The following TET1 variants were observed in gnomAD, a reference collection of about 807,000 sequenced individuals.
The protein encoded by TET1 is methylcytosine dioxygenase TET1.
A neutral mutation model predicts 148.7 loss-of-function variants in TET1; 13 were observed. That is an observed-to-expected ratio of 0.09 (90% CI 0.06 to 0.14). The LOEUF is 0.14. TET1 is among the 10% of genes least tolerant of loss of function. The pLI is 1.00. For synonymous variants in TET1, 907 were observed against 937.2 expected (o/e 0.97, Z 0.59); for missense variants, 2,182 against 2,553.8 (o/e 0.85, Z 3.14).
At chr10:68,575,122 G>A (rs535200282) in intron 2 of TET1, among the ~76,000 whole-genome samples, 57 of 152,142 alleles carry the variant, frequency 3.7e-4, no homozygotes, top group Non-Finnish European at 7.3e-4. Context: ...GGTGGCTTAC[G>A]CCTGTAATCC....
rs751982887 is a variant in TET1, at chr10:68,652,628, C to G, written c.4461+34C>G. ...TTCCTATTTATACATTTTTTTGAAG[C>G]TTGTTATTCCAGAGCTGATATTTAT... is the stretch of plus-strand genomic sequence containing the variant. On this transcript the variant is annotated intron_variant, in intron 6 of 11. Coordinates refer to ENST00000373644, the MANE Select transcript of TET1 (RefSeq NM_030625.3). The G allele has an allele frequency of 2.1e-6, 3 of 1,426,948 alleles. No homozygotes were observed. In the African/African-American group the frequency reaches 4.2e-5, roughly 20 times the overall value. The allele number at this position is 1,426,948 out of a possible 1,614,324, so 88.4% of individuals were successfully genotyped here. A position where few individuals can be genotyped will look rare whatever the true frequency, so the allele number is the denominator to read the frequency against.
intron 11 of TET1, among the ~76,000 whole-genome samples, chr10:68,688,294 C>T (rs922924480): frequency 2.0e-5 from 3 of 151,084 alleles, no homozygotes; most frequent in Non-Finnish European, 4.4e-5. Context: ...GACGGAGTTT[C>T]ACCATGTTGG....
intron 11 of TET1, among the ~76,000 whole-genome samples, chr10:68,687,422 C>T (rs17462047): frequency 0.095 from 14,390 of 151,928 alleles, 908 homozygotes; most frequent in South Asian, 0.16. Context: ...AATTCGAAGC[C>T]CTACTCGTTG....
intron 2 of TET1, 86 bp from the exon 3 acceptor site, chr10:68,600,895 C>T: frequency 8.8e-7 from 1 of 1,138,540 alleles, no homozygotes; most frequent in Non-Finnish European, 1.3e-6. Flanking sequence ...AATAGTTTTA[C>T]AGAGAAATAG....
intron 6 of TET1, among the ~76,000 whole-genome samples, chr10:68,659,598 C>T (rs1418262026): frequency 6.6e-6 from 1 of 152,196 alleles, no homozygotes; most frequent in Non-Finnish European, 1.5e-5. Flanking sequence ...TGATTACAGG[C>T]ATGAGCCACC....
intron 3 of TET1, among the ~76,000 whole-genome samples, chr10:68,607,843 TA>T (rs1399054881): frequency 3.4e-5 from 5 of 148,888 alleles, no homozygotes; most frequent in African/African-American, 9.8e-5. Flanking sequence ...TATATAAATA[TA>T]AATATATATT....
chr10:68,578,221 C>A (rs974403538), intron 2 of TET1, among the ~76,000 whole-genome samples: 1 of 152,070 alleles, frequency 6.6e-6, no homozygotes, highest in Non-Finnish European at 1.5e-5. Flanking sequence ...GGCAACATAG[C>A]GACATAAACC....
intron 3 of TET1, among the ~76,000 whole-genome samples, chr10:68,621,223 C>T (rs1206070874): frequency 6.6e-6 from 1 of 151,856 alleles, no homozygotes; most frequent in African/African-American, 2.4e-5. Flanking sequence ...ATTGCTTGAG[C>T]CTAGGTGTTT....
chr10:68,591,444 C>A (rs997000189), intron 2 of TET1, among the ~76,000 whole-genome samples: 1 of 152,204 alleles, frequency 6.6e-6, no homozygotes, highest in Non-Finnish European at 1.5e-5. Context: ...CTACTTCCAA[C>A]ATCAGAAGCA....
chr10:68,611,416 G>A (rs2457456), intron 3 of TET1, among the ~76,000 whole-genome samples: 32,764 of 152,002 alleles, frequency 0.22, 3,684 homozygotes, highest in South Asian at 0.32. Flanking sequence ...GCTCAAGACC[G>A]TGGTATGCTA....
At chr10:68,619,722 C>T (rs934229629) in intron 3 of TET1, among the ~76,000 whole-genome samples, 1 of 152,052 alleles carries the variant, frequency 6.6e-6, no homozygotes, top group Non-Finnish European at 1.5e-5. Context: ...ATTTGCAGTG[C>T]ACAGTACACT....
At chr10:68,635,904 G>C (rs751143015) in intron 3 of TET1, among the ~76,000 whole-genome samples, 2 of 152,008 alleles carry the variant, frequency 1.3e-5, no homozygotes, top group Non-Finnish European at 2.9e-5. Context: ...AGAGGTGTGA[G>C]AGTGAAGCTT....
intron 2 of TET1, among the ~76,000 whole-genome samples, chr10:68,599,392 G>T (rs1387505016): frequency 6.6e-6 from 1 of 152,224 alleles, no homozygotes; most frequent in Non-Finnish European, 1.5e-5. Flanking sequence ...CTGCATTTTG[G>T]CAGTGACCTT....
At chr10:68,643,055 T>C (rs1204472766) in intron 3 of TET1, among the ~76,000 whole-genome samples, 1 of 151,966 alleles carries the variant, frequency 6.6e-6, no homozygotes, top group Non-Finnish European at 1.5e-5. Context: ...TCCAGGAGTT[T>C]TGAGACCAGC....
At chr10:68,686,290 G>A in intron 10 of TET1, 66 bp from the exon 11 acceptor site, 1 of 1,367,574 alleles carries the variant, frequency 7.3e-7, no homozygotes, top group Non-Finnish European at 1.0e-6. Flanking sequence ...CACGAAGGTA[G>A]GAATAGCCAC....
At chr10:68,609,250 C>T (rs2054172037) in intron 3 of TET1, among the ~76,000 whole-genome samples, 1 of 152,118 alleles carries the variant, frequency 6.6e-6, no homozygotes, top group African/African-American at 2.4e-5. Flanking sequence ...CAACCTCCAC[C>T]TCCCAGGTTC....
At chr10:68,631,703 CTG>C (rs1176041723) in intron 3 of TET1, among the ~76,000 whole-genome samples, 4 of 152,116 alleles carry the variant, frequency 2.6e-5, no homozygotes, top group African/African-American at 9.7e-5. Flanking sequence ...GTAAACACGT[CTG>C]TGCATATTAC....
intron 11 of TET1, among the ~76,000 whole-genome samples, chr10:68,688,845 C>T (rs536684035): frequency 5.0e-4 from 76 of 152,192 alleles, no homozygotes; most frequent in Non-Finnish European, 8.7e-4. Context: ...AAAAAAAAAT[C>T]ATGAATTCAT....
At chr10:68,640,544 CTTTTTTTTTTTT>C (rs60460824) in intron 3 of TET1, among the ~76,000 whole-genome samples, 7 of 42,886 alleles carry the variant, frequency 1.6e-4, no homozygotes, top group South Asian at 1.4e-3. Flanking sequence ...TTCTTTCTTT[CTTTTTTTTTTTT>C]TTTTTTTTTT....
Sources: gnomAD v4.1 joint callset for allele counts (sites outside exome capture counted in the v4.1 genomes callset) on GRCh38, gnomAD v4.1.1 for gene constraint, MANE v1.5 for transcripts, NCBI Gene and HGNC (gene_info 2026-07-23, HGNC 2026-07-21) for gene names.